Variants in PLCXD3 observed in about 807,000 individuals in gnomAD.
PLCXD3 encodes phosphatidylinositol specific phospholipase C X domain containing 3.
PLCXD3 carries 19 observed loss-of-function variants against 25.5 expected under a neutral mutation model. The observed-to-expected ratio is 0.75, with a 90% CI of 0.52 to 1.09. PLCXD3 has a LOEUF of 1.09. Among genes scored for constraint, PLCXD3 ranks in the 50% least tolerant of loss-of-function variants. PLCXD3 has a pLI of 0.00. For missense variants in PLCXD3, 411 were observed against 388.1 expected (o/e 1.06, Z -0.50); for synonymous variants, 174 against 137.6 (o/e 1.26, Z -1.85).
intron 2 of PLCXD3, among the ~76,000 whole-genome samples, chr5:41,329,298 T>A (rs1743721202): frequency 6.6e-6 from 1 of 152,210 alleles, no homozygotes; most frequent in Non-Finnish European, 1.5e-5. Flanking sequence ...ATTGTAATCG[T>A]ATTTATGCGT....
At chr5:41,345,383 C>T (rs760667159) in intron 2 of PLCXD3, among the ~76,000 whole-genome samples, 1 of 152,136 alleles carries the variant, frequency 6.6e-6, no homozygotes, top group Non-Finnish European at 1.5e-5. Flanking sequence ...AATTGGAACC[C>T]ATTATGCTAA....
chr5:41,481,180 T>C (rs927550185), intron 1 of PLCXD3, among the ~76,000 whole-genome samples: 1 of 151,802 alleles, frequency 6.6e-6, no homozygotes, highest in East Asian at 1.9e-4. Context: ...TCTCTCTCTG[T>C]CTGCCTCACC....
chr5:41,372,061 C>T (rs988565901), intron 2 of PLCXD3, among the ~76,000 whole-genome samples: 3 of 152,202 alleles, frequency 2.0e-5, no homozygotes, highest in East Asian at 1.9e-4. Context: ...GATACTCCAT[C>T]CTTATTCTCT....
At chr5:41,498,559 T>C (rs981239110) in intron 1 of PLCXD3, among the ~76,000 whole-genome samples, 1 of 151,628 alleles carries the variant, frequency 6.6e-6, no homozygotes, top group Non-Finnish European at 1.5e-5. Flanking sequence ...CAGAACCAGA[T>C]GGTTTAAAGG....
At chr5:41,490,874 T>C (rs1257272125) in intron 1 of PLCXD3, among the ~76,000 whole-genome samples, 1 of 152,224 alleles carries the variant, frequency 6.6e-6, no homozygotes, top group African/African-American at 2.4e-5. Flanking sequence ...GTTGATCCTT[T>C]CAAGAAACCA....
chr5:41,488,074 C>A (rs1470419821), intron 1 of PLCXD3, among the ~76,000 whole-genome samples: 5 of 126,602 alleles, frequency 3.9e-5, no homozygotes, highest in Non-Finnish European at 8.3e-5. Flanking sequence ...CCCCTCCCCC[C>A]TCCCCCCACG....
chr5:41,387,653 G>A (rs79472061), intron 1 of PLCXD3, among the ~76,000 whole-genome samples: 16,533 of 152,098 alleles, frequency 0.11, 1,081 homozygotes, highest in Admixed American at 0.17. Flanking sequence ...TGTACTACTA[G>A]TTCTATTTTG....
chr5:41,498,506 G>A (rs1432890038), intron 1 of PLCXD3, among the ~76,000 whole-genome samples: 2 of 151,664 alleles, frequency 1.3e-5, no homozygotes, highest in African/African-American at 4.8e-5. Context: ...ATAATAGTAA[G>A]GAGATTGATT....
chr5:41,410,968 T>G (rs1004323910), intron 1 of PLCXD3, among the ~76,000 whole-genome samples: 1 of 152,180 alleles, frequency 6.6e-6, no homozygotes, highest in Non-Finnish European at 1.5e-5. Context: ...CTTGAGTATA[T>G]GTAACCACAG....
At chr5:41,386,468 C>T (rs892852495) in intron 1 of PLCXD3, among the ~76,000 whole-genome samples, 3 of 152,032 alleles carry the variant, frequency 2.0e-5, no homozygotes, top group Non-Finnish European at 4.4e-5. Flanking sequence ...AAGATTGCCC[C>T]CAAAACATCC....
intron 1 of PLCXD3, among the ~76,000 whole-genome samples, chr5:41,505,853 A>G (rs531228403): frequency 2.4e-4 from 37 of 152,360 alleles, no homozygotes; most frequent in African/African-American, 8.9e-4. Context: ...ATTAGCTTTG[A>G]GTCAAATATG....
At chr5:41,509,679 TC>T (rs1738987806) in intron 1 of PLCXD3, among the ~76,000 whole-genome samples, 1 of 152,212 alleles carries the variant, frequency 6.6e-6, no homozygotes, top group African/African-American at 2.4e-5. Context: ...CCAGCTTCTG[TC>T]CCGAGCAGTA....
In PLCXD3 at chr5:41,488,320, G is replaced by A. The variant is rs1424586134; in HGVS notation, c.103+22104C>T. 1.5e-4 allele frequency among the ~76,000 whole-genome samples: 20 copies of A among 131,126 alleles called. No homozygotes were observed. In the South Asian group the frequency reaches 4.8e-3, roughly 31 times the overall value. 86.0% of individuals were successfully genotyped at this position (131,126 alleles called of 152,430 possible). ...ATATGTGCCACATTTTCTTAATCCA[G>A]TCTATCATTGTTGGACATTTGGGTT... On this transcript the variant is annotated intron_variant, in intron 1 of 2. Transcript: ENST00000377801.
chr5:41,433,408 C>G (rs1747163814), intron 1 of PLCXD3, among the ~76,000 whole-genome samples: 1 of 152,016 alleles, frequency 6.6e-6, no homozygotes. Context: ...TCACCAGGTA[C>G]CTAAGGAGTG....
At chr5:41,336,437 A>G (rs550072782) in intron 2 of PLCXD3, among the ~76,000 whole-genome samples, 91 of 152,302 alleles carry the variant, frequency 6.0e-4, no homozygotes, top group African/African-American at 2.1e-3. Flanking sequence ...TAATGCTTCA[A>G]GTGCTTAGAA....
chr5:41,487,754 G>A (rs1050413850), intron 1 of PLCXD3, among the ~76,000 whole-genome samples: 2 of 152,078 alleles, frequency 1.3e-5, no homozygotes, highest in Non-Finnish European at 2.9e-5. Context: ...AGATGCCAAC[G>A]AAATTTTTAA....
intron 1 of PLCXD3, among the ~76,000 whole-genome samples, chr5:41,477,655 T>C (rs1169217066): frequency 1.3e-5 from 2 of 152,018 alleles, no homozygotes; most frequent in Admixed American, 6.6e-5. Context: ...TTTCTTAACA[T>C]TGCAGTTTGC....
intron 1 of PLCXD3, among the ~76,000 whole-genome samples, chr5:41,459,402 G>T (rs1158807192): frequency 6.6e-6 from 1 of 151,774 alleles, no homozygotes; most frequent in African/African-American, 2.4e-5. Context: ...ATAAATGGAG[G>T]TGAAAAATCA....
Position 41,378,835 on chromosome 5 carries a change from G to A in PLCXD3, c.812+2991C>T, listed in dbSNP as rs1318621448. Among the ~76,000 whole-genome samples the A allele has an allele frequency of 5.9e-5, 9 of 152,070 alleles. No homozygotes were observed. The South Asian group carries it at 1.7e-3, about 28-fold the overall frequency. ...CCTACTTTAGTAGTAGGGTACTAGA[G>A]CATGAGTAACCAAAAAGCAGTTTAA... is the stretch of plus-strand genomic sequence containing the variant. On this transcript the variant is annotated intron_variant, in intron 2 of 2. Coordinates refer to ENST00000377801, the MANE Select transcript of PLCXD3 (RefSeq NM_001005473.3).
Sources: gnomAD v4.1 joint callset for allele counts (sites outside exome capture counted in the v4.1 genomes callset) on GRCh38, gnomAD v4.1.1 for gene constraint, MANE v1.5 for transcripts, NCBI Gene and HGNC (gene_info 2026-07-23, HGNC 2026-07-21) for gene names.